Variants in COPRS observed in about 807,000 individuals in gnomAD.
The protein encoded by COPRS is coordinator of PRMT5 and differentiation stimulator.
Under a neutral mutation model 19.9 loss-of-function variants are expected in COPRS, and 11 were observed. The observed-to-expected ratio is 0.55, with a 90% CI of 0.35 to 0.92. The LOEUF is 0.92. Among genes scored for constraint, COPRS ranks in the 40% least tolerant of loss-of-function variants. The pLI is 0.01. For missense variants in COPRS, 225 were observed against 229.9 expected, an observed-to-expected ratio of 0.98 and a Z score of 0.14; for synonymous variants, 81 against 82.7, an observed-to-expected ratio of 0.98 and a Z score of 0.11.
At chr17:31,856,994 C>A in intron 1 of COPRS, 129 bp from the exon 2 acceptor site, 2 of 691,372 alleles carry the variant, frequency 2.9e-6, no homozygotes, top group Non-Finnish European at 2.6e-6. Flanking sequence ...ACTCTGCCAC[C>A]CACATTTCTA....
chr17:31,858,202 C>T (rs78398538), intron 1 of COPRS, among the ~76,000 whole-genome samples: 3,477 of 152,326 alleles, frequency 0.023, 52 homozygotes, highest in Non-Finnish European at 0.035. Context: ...TGCTCTGAGA[C>T]CCAACTCCAG....
intron 1 of COPRS, chr17:31,858,675 G>T: frequency 7.3e-7 from 1 of 1,377,114 alleles, no homozygotes; most frequent in Non-Finnish European, 1.0e-6. Flanking sequence ...TGACATCTGG[G>T]GCTCAGGGTT....
At chr17:31,856,146 C>T (rs1307344543) in intron 2 of COPRS, among the ~76,000 whole-genome samples, 1 of 151,984 alleles carries the variant, frequency 6.6e-6, no homozygotes, top group African/African-American at 2.4e-5. Context: ...ACCAGCCTGG[C>T]CAACATAGTA....
Position 31,852,875 on chromosome 17 carries a change from G to T in COPRS, c.322C>A (p.Pro108Thr). 2 of 1,614,142 alleles carry T rather than the reference G, an allele frequency of 1.2e-6. No homozygotes were observed. ...CAGTCCTCATTAAAAAGATCGCCAG[G>T]CTGTTCCTTGGGTGGACAGTTTGTC... Reference protein sequence around the residue: ...EGTNCPPKEQPGDLFNEDWDS... With the variant: ...EGTNCPPKEQTGDLFNEDWDS... The change falls in exon 3 of 4, where the codon CCT (proline) becomes ACT (threonine). Residue 108 changes from proline to threonine, a missense_variant. Coordinates refer to ENST00000302362, the MANE Select transcript of COPRS (RefSeq NM_018405.4).
In COPRS at chr17:31,859,244, T is replaced by A; in HGVS notation, c.-45A>T. 1 of 877,994 alleles carries A rather than the reference T, an allele frequency of 1.1e-6. No individual in the cohort carries two copies. The allele number at this position is 877,994 out of a possible 1,614,324, so 54.4% of individuals were successfully genotyped here. On this transcript the variant is annotated 5_prime_UTR_variant, in exon 1 of 4. Transcript: ENST00000302362. ...GTCGCCCTGGACGCCGTGGGCCACG[T>A]GACGCGCCGGCCCGGCTGCCCGCCC...
chr17:31,854,757 T>C (rs1909280605), intron 2 of COPRS, among the ~76,000 whole-genome samples: 1 of 152,176 alleles, frequency 6.6e-6, no homozygotes, highest in South Asian at 2.1e-4. Context: ...CACATTTGCC[T>C]ATCCAGAACA....
Position 31,852,978 on chromosome 17 carries a change from G to A in COPRS, c.219C>T (p.Thr73=). Residue 73 remains threonine, a synonymous_variant, in exon 3 of 4, where the codon ACC becomes ACT. Transcript: ENST00000302362. The part of the protein sequence containing the change: ...PNDSPARGEG[T]HSEEEGFAMD... ...TGGCAAAGCCTTCCTCTTCAGAATG[G>A]GTGCCCTCACCCCGGGCAGGACTGT... The A allele has an allele frequency of 6.2e-7, 1 of 1,614,092 alleles. No individual in the cohort carries two copies.
At chr17:31,853,612 C>T (rs1909232387) in intron 2 of COPRS, among the ~76,000 whole-genome samples, 1 of 152,154 alleles carries the variant, frequency 6.6e-6, no homozygotes, top group Non-Finnish European at 1.5e-5. Flanking sequence ...GAACCCCTGA[C>T]CTTGTGATCC....
At position 31,859,134 on chromosome 17, in the gene COPRS, C is replaced by T; in HGVS notation, c.66G>A (p.Leu22=). The T allele has an allele frequency of 1.8e-6, 2 of 1,082,210 alleles. No individual in the cohort carries two copies. The highest frequency in any genetic ancestry group is 4.3e-5 in the South Asian group (1 of 23,152). The allele number at this position is 1,082,210 out of a possible 1,614,324, so 67.0% of individuals were successfully genotyped here. The change falls in exon 1 of 4, where the codon CTG becomes CTA. Residue 22 remains leucine, a synonymous_variant. Coordinates refer to ENST00000302362, the MANE Select transcript of COPRS (RefSeq NM_018405.4). ...GAAEPSRGPP[L]PSARGAPPSP... is the part of the protein sequence containing the mutation. ...TGGGGGGCGCCCCCCGCGCGCTAGG[C>T]AGCGGCGGGCCCCGAGACGGCTCCG...
intron 1 of COPRS, among the ~76,000 whole-genome samples, chr17:31,857,118 T>C (rs1460486089): frequency 6.6e-6 from 1 of 152,164 alleles, no homozygotes; most frequent in African/African-American, 2.4e-5. Flanking sequence ...CTTCCTATAG[T>C]GGCCACAGAA....
chr17:31,858,867 T>A, intron 1 of COPRS: 1 of 1,542,822 alleles, frequency 6.5e-7, no homozygotes, highest in Non-Finnish European at 8.7e-7. Context: ...CCGTCTCTGC[T>A]GACCCAGAGC....
chr17:31,852,240 C>A lies in COPRS; in HGVS notation c.454G>T (p.Asp152Tyr). Residue 152 changes from aspartate (D) to tyrosine (Y), a missense_variant, in exon 4 of 4, where the codon GAC (aspartate) becomes TAC (tyrosine). By Grantham distance (160) the Asp-to-Tyr change is radical. Transcript: ENST00000302362. ...TGCCAGCTGGGGTCATAGATCATGT[C>A]TCCTTGTGGGGCACAGCACACCCAA... is the stretch of plus-strand genomic sequence containing the variant. ...KPWVCCAPQG[D>Y]MIYDPSWHHP... 6.2e-7 allele frequency: 1 copy of A among 1,614,090 alleles called. No individual in the cohort carries two copies. Among genetic ancestry groups the A allele is most frequent in the Non-Finnish European group, 8.5e-7 (1 of 1,179,980 alleles).
intron 2 of COPRS, among the ~76,000 whole-genome samples, chr17:31,853,910 T>A (rs1056148482): frequency 2.6e-5 from 4 of 152,164 alleles, no homozygotes; most frequent in African/African-American, 9.7e-5. Flanking sequence ...GAGCACATAG[T>A]GCTTTGGTGA....
intron 1 of COPRS, among the ~76,000 whole-genome samples, chr17:31,857,517 AG>A (rs1270768190): frequency 6.6e-6 from 1 of 152,220 alleles, no homozygotes; most frequent in Non-Finnish European, 1.5e-5. Context: ...CACTGAAGGC[AG>A]TATTTCTAAT....
intron 2 of COPRS, among the ~76,000 whole-genome samples, chr17:31,855,262 A>G (rs1909301286): frequency 1.3e-5 from 2 of 152,168 alleles, no homozygotes; most frequent in African/African-American, 2.4e-5. Flanking sequence ...CTGTAATCCC[A>G]GCACTTTGGG....
chr17:31,853,382 CTTT>C (rs397764121), intron 2 of COPRS, among the ~76,000 whole-genome samples: 6 of 139,766 alleles, frequency 4.3e-5, no homozygotes, highest in Non-Finnish European at 4.7e-5. Flanking sequence ...AGTTTTTGCT[CTTT>C]TTTTTTTTTT....
In COPRS at chr17:31,852,172, A is replaced by C; in HGVS notation, c.522T>G (p.Phe174Leu). The change falls in exon 4 of 4, where the codon TTT becomes TTG. Residue 174 changes from phenylalanine to leucine, a missense_variant. Coordinates refer to ENST00000302362, the MANE Select transcript of COPRS (RefSeq NM_018405.4). The part of the protein sequence containing the change: ...PLIPYYSKMV[F>L]ETGQFDDAED ...CAGCATCGTCAAACTGTCCTGTTTC[A>C]AAGACCATCTTGGAATAATAGGGTA... is the stretch of plus-strand genomic sequence containing the variant. 2 of 1,614,166 alleles carry C rather than the reference A, an allele frequency of 1.2e-6. No homozygotes were observed. The highest frequency in any genetic ancestry group is 1.7e-6 in the Non-Finnish European group (2 of 1,180,028).
intron 1 of COPRS, chr17:31,858,766 C>T (rs1909436679): frequency 1.3e-6 from 2 of 1,550,614 alleles, no homozygotes; most frequent in African/African-American, 2.7e-5. Context: ...ACCTGGCCCT[C>T]GCCCAGGCTC....
At chr17:31,858,777 C>T (rs920300011) in intron 1 of COPRS, 1 of 1,550,596 alleles carries the variant, frequency 6.4e-7, no homozygotes, top group Non-Finnish European at 8.7e-7. Flanking sequence ...GCCCAGGCTC[C>T]TGGCAGCGGG....
Sources: allele counts gnomAD v4.1 joint callset (sites outside exome capture counted in the v4.1 genomes callset), GRCh38; gene constraint gnomAD v4.1.1; transcripts MANE v1.5; gene names NCBI Gene and HGNC (gene_info 2026-07-23, HGNC 2026-07-21).